Variants in LCOR observed in about 807,000 individuals in gnomAD.
LCOR encodes the protein ligand dependent nuclear receptor corepressor, also known as ligand-dependent corepressor.
LCOR carries 14 observed loss-of-function variants against 64.4 expected under a neutral mutation model. The observed-to-expected ratio is 0.22, with a 90% CI of 0.14 to 0.34. The LOEUF (loss-of-function observed/expected upper bound fraction) is 0.34. Among genes scored for constraint, LCOR ranks in the 10% least tolerant of loss-of-function variants. The pLI is 1.00. For synonymous variants in LCOR, 643 were observed against 642.5 expected, an observed-to-expected ratio of 1.00 and a Z score of -0.01; for missense variants, 1,686 against 1,765.3, an observed-to-expected ratio of 0.96 and a Z score of 0.80.
At chr10:96,959,562 T>G (rs1214442020) in intron 7 of LCOR, 1 of 152,214 alleles carries the variant, frequency 6.6e-6, no homozygotes, top group Non-Finnish European at 1.5e-5. Flanking sequence ...TGAGACAGCA[T>G]AGTCATCCAG....
intron 7 of LCOR, among the ~76,000 whole-genome samples, chr10:96,978,853 T>G (rs1848058319): frequency 6.6e-6 from 1 of 152,212 alleles, no homozygotes; most frequent in East Asian, 1.9e-4. Flanking sequence ...CACCTGCCCT[T>G]TTGTGCTTTG....
chr10:96,879,860 G>A lies in LCOR; in HGVS notation c.-329-27405G>A, dbSNP rs527374245. On this transcript the variant is annotated intron_variant, in intron 2 of 7. Transcript: ENST00000421806. ...GTGTATTTAGTAGAGGCGGGGTTTC[G>A]CCATATTGGCCAGGCTGGTGTTGAA... is the stretch of plus-strand genomic sequence containing the variant. 1.2e-4 allele frequency among the ~76,000 whole-genome samples: 19 copies of A among 152,172 alleles called. No individual in the cohort carries two copies. In the South Asian group the frequency reaches 3.7e-3, roughly 30 times the overall value.
intron 7 of LCOR, among the ~76,000 whole-genome samples, chr10:96,973,094 C>A (rs1848012103): frequency 9.2e-5 from 14 of 152,136 alleles, no homozygotes; most frequent in Admixed American, 9.2e-4. Context: ...TTGAAAATTG[C>A]TTTTTCTGTA....
intron 4 of LCOR, among the ~76,000 whole-genome samples, chr10:96,916,264 C>G (rs1846941683): frequency 6.6e-6 from 1 of 152,070 alleles, no homozygotes; most frequent in Admixed American, 6.5e-5. Flanking sequence ...GTCTCCTGAC[C>G]TCGTGATCCG....
chr10:96,938,504 C>T (rs1847391527), intron 4 of LCOR, among the ~76,000 whole-genome samples: 1 of 151,858 alleles, frequency 6.6e-6, no homozygotes, highest in South Asian at 2.1e-4. Flanking sequence ...TCACCATGTA[C>T]ATCCACCGTT....
At chr10:96,843,372 GTCC>G (rs1202402873) in intron 2 of LCOR, among the ~76,000 whole-genome samples, 1 of 151,798 alleles carries the variant, frequency 6.6e-6, no homozygotes, top group Non-Finnish European at 1.5e-5. Context: ...GCCTCAAGTG[GTCC>G]TCCTGCCTCA....
intron 5 of LCOR, among the ~76,000 whole-genome samples, chr10:96,944,981 C>T (rs982728514): frequency 6.6e-6 from 1 of 152,022 alleles, no homozygotes; most frequent in Non-Finnish European, 1.5e-5. Context: ...GGAAAGTTCC[C>T]TTCATGTTCC....
rs547951776 is a variant in LCOR at position 96,894,772 on chromosome 10, G to C, written c.-329-12493G>C. 1.2e-4 allele frequency among the ~76,000 whole-genome samples: 19 copies of C among 152,272 alleles called. 2 individuals are homozygous for C. In the South Asian group the frequency reaches 3.7e-3, roughly 30 times the overall value. ...AAAATATATAAATTAGATATATTTA[G>C]ATGTGTTTGATTACATTAAAAGGAA... is the stretch of plus-strand genomic sequence containing the variant. On this transcript the variant is annotated intron_variant, in intron 2 of 7. Coordinates refer to ENST00000421806, the MANE Select transcript of LCOR (RefSeq NM_001346516.2).
intron 4 of LCOR, among the ~76,000 whole-genome samples, chr10:96,933,125 G>A (rs931729706): frequency 6.6e-6 from 1 of 152,184 alleles, no homozygotes; most frequent in Admixed American, 6.5e-5. Context: ...ATGATCTTCA[G>A]TGTGAGTCTC....
chr10:96,838,709 T>G (rs1331028988), intron 2 of LCOR, among the ~76,000 whole-genome samples: 3 of 152,252 alleles, frequency 2.0e-5, no homozygotes, highest in Non-Finnish European at 2.9e-5. Flanking sequence ...CATACCACAT[T>G]TTGTTTATCC....
At chr10:96,906,152 C>A (rs914108985) in intron 2 of LCOR, among the ~76,000 whole-genome samples, 1 of 152,156 alleles carries the variant, frequency 6.6e-6, no homozygotes, top group African/African-American at 2.4e-5. Flanking sequence ...ACAATTAAAT[C>A]GCAAACCCCT....
intron 4 of LCOR, chr10:96,915,785 T>C (rs1351506407): frequency 4.9e-6 from 3 of 609,518 alleles, no homozygotes; most frequent in Middle Eastern, 4.4e-4. Context: ...CTTTTGAAGC[T>C]TGGGCTCTGG....
intron 7 of LCOR, chr10:96,958,901 A>G (rs1240716207): frequency 1.4e-5 from 2 of 139,820 alleles, no homozygotes; most frequent in East Asian, 4.4e-4. Context: ...CAAAAAAGAA[A>G]AACTTAAAAA....
At chr10:96,888,363 C>CCAAAAAAAAAAAAAAA (rs1846380985) in intron 2 of LCOR, among the ~76,000 whole-genome samples, 1 of 30,544 alleles carries the variant, frequency 3.3e-5, no homozygotes, top group African/African-American at 1.5e-4. Context: ...GACTCCGTCT[C>CCAAAAAAAAAAAAAAA]AAAAAAAAAA....
At chr10:96,908,055 C>G (rs546204604) in intron 4 of LCOR, 3 of 152,064 alleles carry the variant, frequency 2.0e-5, no homozygotes, top group Admixed American at 1.3e-4. Context: ...AGTGAAATGG[C>G]ACGATCTCTG....
At chr10:96,854,602 CA>C (rs1845772846) in intron 2 of LCOR, among the ~76,000 whole-genome samples, 1 of 152,200 alleles carries the variant, frequency 6.6e-6, no homozygotes, top group Non-Finnish European at 1.5e-5. Context: ...GCTGGGATTA[CA>C]GGCTTGAGCC....
intron 7 of LCOR, among the ~76,000 whole-genome samples, chr10:96,974,389 C>T (rs962989599): frequency 7.9e-5 from 12 of 152,180 alleles, no homozygotes; most frequent in African/African-American, 1.9e-4. Context: ...TTCTGATTAA[C>T]GAATAATTCA....
chr10:96,912,377 G>A (rs1382611256), intron 4 of LCOR, among the ~76,000 whole-genome samples: 1 of 152,132 alleles, frequency 6.6e-6, no homozygotes, highest in Non-Finnish European at 1.5e-5. Flanking sequence ...ACAATTATAA[G>A]TTCAGGAAAT....
intron 2 of LCOR, among the ~76,000 whole-genome samples, chr10:96,904,708 GT>G (rs914178700): frequency 1.3e-5 from 2 of 152,072 alleles, no homozygotes; most frequent in African/African-American, 4.8e-5. Context: ...TCAGTATTTA[GT>G]TTTCCATGGC....
Sources: gnomAD v4.1 joint callset for allele counts (sites outside exome capture counted in the v4.1 genomes callset) on GRCh38, gnomAD v4.1.1 for gene constraint, MANE v1.5 for transcripts, NCBI Gene and HGNC (gene_info 2026-07-23, HGNC 2026-07-21) for gene names.